Variants in PRAC2 observed in about 807,000 individuals in gnomAD.
PRAC2 encodes the protein protein PRAC2.
For missense variants in PRAC2, 92 were observed against 114.5 expected (o/e 0.80, Z 0.90); for synonymous variants, 43 against 49.5 (o/e 0.87, Z 0.55).
At chr17:48,721,979 T>A (rs1482269288), upstream of PRAC2, 14 of 1,368,290 alleles carry the variant, frequency 1.0e-5, no homozygotes, top group Non-Finnish European at 1.4e-5. Flanking sequence ...CAGGACTCCA[T>A]CCCATTGGAG....
chr17:48,719,468 C>T (rs1043875750), upstream of PRAC2, among the ~76,000 whole-genome samples: 4 of 152,154 alleles, frequency 2.6e-5, no homozygotes, highest in African/African-American at 9.7e-5. Flanking sequence ...CTGGTAGCAG[C>T]CAGGGATCGG....
upstream of PRAC2, chr17:48,722,545 C>T (rs1191254390): frequency 7.5e-6 from 5 of 666,384 alleles, no homozygotes; most frequent in Non-Finnish European, 1.3e-5. Flanking sequence ...GGGTGCCCCT[C>T]TCCCTGTAGA....
At chr17:48,719,080 C>G (rs2143032515), upstream of PRAC2, among the ~76,000 whole-genome samples, 1 of 152,224 alleles carries the variant, frequency 6.6e-6, no homozygotes, top group Admixed American at 6.5e-5. Flanking sequence ...CGCCTCCCCG[C>G]GCGCCGGCGC....
chr17:48,723,789 C>A, intron 1 of PRAC2: 2 of 1,228,876 alleles, frequency 1.6e-6, no homozygotes, highest in Non-Finnish European at 2.0e-6. Flanking sequence ...CTACGCATTG[C>A]GCCACTACTC....
upstream of PRAC2, chr17:48,721,831 A>T (rs1247822077): frequency 6.5e-7 from 1 of 1,543,054 alleles, no homozygotes; most frequent in Admixed American, 2.0e-5. Context: ...GGCCTCCCGA[A>T]ATTCCAGAAT....
chr17:48,722,301 C>T, upstream of PRAC2: 1 of 1,606,908 alleles, frequency 6.2e-7, no homozygotes, highest in Non-Finnish European at 8.5e-7. Flanking sequence ...ACGCCCTTGG[C>T]CCACCGATCA....
chr17:48,719,514 G>A (rs2038125510), upstream of PRAC2, among the ~76,000 whole-genome samples: 2 of 152,330 alleles, frequency 1.3e-5, no homozygotes, highest in South Asian at 4.1e-4. Flanking sequence ...GGATAACCCC[G>A]CCGAGGGAGG....
At chr17:48,720,176 G>A (rs80019087), upstream of PRAC2, among the ~76,000 whole-genome samples, 47 of 151,906 alleles carry the variant, frequency 3.1e-4, no homozygotes, top group East Asian at 6.4e-3. Context: ...CGAGTAGTGC[G>A]GGTGTGTGCC....
At position 48,724,729 on chromosome 17, in the gene PRAC2, A is replaced by G. The variant is rs569370079; in HGVS notation, c.*46A>G. The G allele has an allele frequency of 1.0e-6, 1 of 982,440 alleles. No homozygotes were observed. The highest frequency in any genetic ancestry group is 4.3e-5 in the Admixed American group (1 of 23,416). The allele number at this position is 982,440 out of a possible 1,614,324, so 60.9% of individuals were successfully genotyped here. On this transcript the variant is annotated 3_prime_UTR_variant, in exon 2 of 2. Transcript: ENST00000422730. ...CCCACGTCTTTTTAATGGTCCTAAC[A>G]CACCAGTGGAATAAATCTCTAAGAT...
upstream of PRAC2, chr17:48,721,769 A>C: frequency 1.4e-6 from 2 of 1,481,096 alleles, no homozygotes; most frequent in Admixed American, 5.1e-5. Flanking sequence ...GCGTCTTGCT[A>C]CATTGCCCAG....
chr17:48,722,469 C>T, upstream of PRAC2: 2 of 1,286,066 alleles, frequency 1.6e-6, no homozygotes, highest in Middle Eastern at 3.9e-4. Context: ...CTAAAGGTTT[C>T]AGCCTCCCAG....
chr17:48,720,311 G>A (rs2038132838), upstream of PRAC2, among the ~76,000 whole-genome samples: 1 of 152,224 alleles, frequency 6.6e-6, no homozygotes, highest in South Asian at 2.1e-4. Context: ...GCCAGCTCTA[G>A]CTCACCCGGA....
chr17:48,724,354 A>AGT lies in PRAC2; in HGVS notation c.-49_-48dup, dbSNP rs374896479. Reference sequence around the variant, plus strand: ...TTCCATACAAGTAAATCCGAAAAAAAGTGTGTGTGGGGGGGTCCACACCAC... The same window carrying AGT: ...TTCCATACAAGTAAATCCGAAAAAAAGTGTGTGTGTGGGGGGGTCCACACCAC... On this transcript the variant is annotated 5_prime_UTR_variant, in exon 2 of 2. Coordinates refer to ENST00000422730, the MANE Select transcript of PRAC2 (RefSeq NM_001282275.2). The AGT allele has an allele frequency of 1.5e-4, 180 of 1,234,132 alleles. 2 individuals carry two copies. The African/African-American group carries it at 2.6e-3, about 18-fold the overall frequency. The allele number at this position is 1,234,132 out of a possible 1,614,324, so 76.4% of individuals were successfully genotyped here.
Position 48,724,419 on chromosome 17 carries a change from A to G in PRAC2, c.9A>G (p.Arg3=), listed in dbSNP as rs1313572064. 8.1e-7 allele frequency: 1 copy of G among 1,234,222 alleles called. No homozygotes were observed. Among genetic ancestry groups the G allele is most frequent in the East Asian group, 3.2e-5 (1 of 31,712 alleles). 76.5% of individuals were successfully genotyped at this position (1,234,222 alleles called of 1,614,324 possible). The change falls in exon 2 of 2, where the codon AGA becomes AGG. Residue 3 remains arginine (R), a synonymous_variant. Coordinates refer to ENST00000422730, the MANE Select transcript of PRAC2 (RefSeq NM_001282275.2). The part of the protein sequence containing the change: MD[R]RRMALRPGSR... Reference sequence around the variant, plus strand: ...AGGAAGATAAAGAAGACATGGACAGAAGGCGGATGGCTCTGCGGCCTGGCT... The same window carrying G: ...AGGAAGATAAAGAAGACATGGACAGGAGGCGGATGGCTCTGCGGCCTGGCT...
At chr17:48,721,007 C>A (rs2038140015), upstream of PRAC2, among the ~76,000 whole-genome samples, 1 of 152,136 alleles carries the variant, frequency 6.6e-6, no homozygotes, top group African/African-American at 2.4e-5. Flanking sequence ...ATAAAGTGCT[C>A]ACTCAATTGT....
upstream of PRAC2, among the ~76,000 whole-genome samples, chr17:48,720,895 C>T (rs1234800149): frequency 6.6e-6 from 1 of 152,040 alleles, no homozygotes; most frequent in Non-Finnish European, 1.5e-5. Context: ...ATAGAGGAGT[C>T]CCTGGGCTTT....
At chr17:48,719,527 C>A (rs1393102287), upstream of PRAC2, among the ~76,000 whole-genome samples, 8 of 152,210 alleles carry the variant, frequency 5.3e-5, no homozygotes, top group African/African-American at 2.4e-5. Flanking sequence ...GAGGGAGGGG[C>A]GCTTGTAAAA....
At chr17:48,719,660 A>G (rs1038621320), upstream of PRAC2, among the ~76,000 whole-genome samples, 48 of 152,242 alleles carry the variant, frequency 3.2e-4, no homozygotes, top group Admixed American at 3.1e-3. Context: ...TAAGGATTAG[A>G]CTGCCTAGAA....
chr17:48,719,205 GCACACAAACACACACACA>G (rs1263198140), upstream of PRAC2, among the ~76,000 whole-genome samples: 2 of 117,718 alleles, frequency 1.7e-5, no homozygotes, highest in South Asian at 5.0e-4. Context: ...GCACGCGCTC[GCACACAAACACACACACA>G]CACACACACA....
Sources: allele counts gnomAD v4.1 joint callset (sites outside exome capture counted in the v4.1 genomes callset), GRCh38; gene constraint gnomAD v4.1.1; transcripts MANE v1.5; gene names NCBI Gene and HGNC (gene_info 2026-07-23, HGNC 2026-07-21).